R3HCC1L: variants seen among roughly 807,000 people sequenced by gnomAD.
The protein encoded by R3HCC1L is coiled-coil domain-containing protein R3HCC1L.
R3HCC1L carries 51 observed loss-of-function variants against 59.9 expected under a neutral mutation model. That is an observed-to-expected ratio of 0.85 (90% CI 0.68 to 1.07). R3HCC1L has a LOEUF of 1.07. Among genes scored for constraint, R3HCC1L ranks in the 50% least tolerant of loss-of-function variants. The pLI, the probability that R3HCC1L is intolerant of heterozygous loss-of-function variation, is 0.00. For synonymous variants in R3HCC1L, 322 were observed against 315.2 expected (o/e 1.02, Z -0.23); for missense variants, 965 against 933.0 (o/e 1.03, Z -0.45).
At chr10:98,153,803 CAAAAAAA>C (rs10708491) in intron 1 of R3HCC1L, among the ~76,000 whole-genome samples, 1 of 135,138 alleles carries the variant, frequency 7.4e-6, no homozygotes, top group Non-Finnish European at 1.6e-5. Context: ...TGTTTTACAT[CAAAAAAA>C]AAAAAAAAAG....
chr10:98,161,705 A>G (rs1847437111), intron 2 of R3HCC1L, among the ~76,000 whole-genome samples: 1 of 152,170 alleles, frequency 6.6e-6, no homozygotes, highest in Non-Finnish European at 1.5e-5. Flanking sequence ...GTTCTTTGAT[A>G]TGCTACCTTT....
intron 9 of R3HCC1L, among the ~76,000 whole-genome samples, chr10:98,243,679 T>C (rs1373798959): frequency 6.6e-6 from 1 of 152,156 alleles, no homozygotes; most frequent in Non-Finnish European, 1.5e-5. Flanking sequence ...AGCAACAAAA[T>C]AGAAGAATAT....
chr10:98,224,708 A>T (rs143796641), intron 5 of R3HCC1L, among the ~76,000 whole-genome samples: 45 of 152,354 alleles, frequency 3.0e-4, no homozygotes, highest in African/African-American at 1.1e-3. Flanking sequence ...AATCATTTGT[A>T]AACTTTCCCT....
chr10:98,221,320 T>G (rs34115149), intron 5 of R3HCC1L, among the ~76,000 whole-genome samples: 2,138 of 150,504 alleles, frequency 0.014, 19 homozygotes, highest in Non-Finnish European at 0.021. Context: ...TTTCTCCCAT[T>G]TTGTAGGTTG....
At chr10:98,146,008 A>G (rs1017037859) in intron 1 of R3HCC1L, among the ~76,000 whole-genome samples, 6 of 152,208 alleles carry the variant, frequency 3.9e-5, no homozygotes, top group African/African-American at 1.4e-4. Context: ...CCCCAAAAGA[A>G]TATGATCTTA....
intron 1 of R3HCC1L, among the ~76,000 whole-genome samples, chr10:98,153,805 A>C (rs927970321): frequency 2.1e-4 from 10 of 47,628 alleles, no homozygotes; most frequent in Non-Finnish European, 3.9e-4. Context: ...TTTTACATCA[A>C]AAAAAAAAAA....
intron 4 of R3HCC1L, among the ~76,000 whole-genome samples, chr10:98,191,354 C>T (rs537449570): frequency 2.0e-5 from 3 of 152,294 alleles, no homozygotes; most frequent in Non-Finnish European, 2.9e-5. Context: ...TTCTAACTGG[C>T]GTGAGATGGT....
intron 1 of R3HCC1L, among the ~76,000 whole-genome samples, chr10:98,152,369 C>A (rs558892524): frequency 6.6e-6 from 1 of 151,638 alleles, no homozygotes; most frequent in African/African-American, 2.4e-5. Flanking sequence ...TCTGCCCGGC[C>A]GCCACCCCGT....
chr10:98,197,207 GC>G (rs35578431), intron 4 of R3HCC1L, among the ~76,000 whole-genome samples: 61,025 of 151,450 alleles, frequency 0.4, 12,783 homozygotes, highest in South Asian at 0.57. Flanking sequence ...AAGCCACCAT[GC>G]CCCCCCCTCC....
intron 4 of R3HCC1L, among the ~76,000 whole-genome samples, chr10:98,182,592 A>T (rs542807950): frequency 6.6e-6 from 1 of 152,306 alleles, no homozygotes; most frequent in South Asian, 2.1e-4. Flanking sequence ...AGGAACGTTA[A>T]GTCTGCAGAA....
At chr10:98,140,163 T>G (rs1000456011) in intron 1 of R3HCC1L, among the ~76,000 whole-genome samples, 3 of 152,184 alleles carry the variant, frequency 2.0e-5, no homozygotes, top group Non-Finnish European at 4.4e-5. Flanking sequence ...TCAAGTTCTT[T>G]GCCATGGAAT....
In R3HCC1L at chr10:98,222,438, C is replaced by T. The variant is rs375000516; in HGVS notation, c.1786-9074C>T. On this transcript the variant is annotated intron_variant, in intron 5 of 9. Coordinates refer to ENST00000298999, the MANE Select transcript of R3HCC1L (RefSeq NM_001351015.2). Reference sequence around the variant, plus strand: ...TATGTTGAATAGGAGTGGTGAGAGACGGCATCCCTGTCTTGTGCCAGTTTT... The same window carrying T: ...TATGTTGAATAGGAGTGGTGAGAGATGGCATCCCTGTCTTGTGCCAGTTTT... 5.9e-5 allele frequency among the ~76,000 whole-genome samples: 9 copies of T among 151,738 alleles called. No individual in the cohort carries two copies. The East Asian group carries it at 7.7e-4, about 13-fold the overall frequency.
At chr10:98,159,727 G>A (rs1847214144) in intron 2 of R3HCC1L, among the ~76,000 whole-genome samples, 1 of 152,110 alleles carries the variant, frequency 6.6e-6, no homozygotes, top group Admixed American at 6.6e-5. Context: ...CAGTTCTTTT[G>A]ACATGCCCCT....
At chr10:98,139,099 A>G (rs962430737) in intron 1 of R3HCC1L, among the ~76,000 whole-genome samples, 2 of 152,206 alleles carry the variant, frequency 1.3e-5, no homozygotes, top group African/African-American at 4.8e-5. Flanking sequence ...CTAGAAACAC[A>G]CAGCAAAGCT....
At chr10:98,201,530 TC>T (rs1852045735) in intron 4 of R3HCC1L, among the ~76,000 whole-genome samples, 1 of 152,226 alleles carries the variant, frequency 6.6e-6, no homozygotes, top group Non-Finnish European at 1.5e-5. Context: ...AAAAATATTT[TC>T]CTTCCGTACC....
At chr10:98,185,244 C>T (rs796850963) in intron 4 of R3HCC1L, among the ~76,000 whole-genome samples, 62 of 152,222 alleles carry the variant, frequency 4.1e-4, no homozygotes, top group African/African-American at 1.5e-3. Context: ...AAAGTCAAGT[C>T]TGTGCTATGT....
intron 4 of R3HCC1L, among the ~76,000 whole-genome samples, chr10:98,202,308 A>G (rs931093908): frequency 6.6e-6 from 1 of 152,090 alleles, no homozygotes; most frequent in Non-Finnish European, 1.5e-5. Context: ...TTAAAGTGCT[A>G]CCCCACACAC....
chr10:98,139,891 A>G (rs1256393270), intron 1 of R3HCC1L, among the ~76,000 whole-genome samples: 1 of 150,604 alleles, frequency 6.6e-6, no homozygotes, highest in East Asian at 1.9e-4. Context: ...GGGACTAGGG[A>G]TAAAAACAGA....
At chr10:98,181,529 C>T (rs1012583228) in intron 4 of R3HCC1L, among the ~76,000 whole-genome samples, 6 of 152,042 alleles carry the variant, frequency 3.9e-5, no homozygotes, top group East Asian at 1.9e-4. Context: ...ATCTTTGTGG[C>T]GGTCTCTGTA....
Sources: allele counts gnomAD v4.1 joint callset (sites outside exome capture counted in the v4.1 genomes callset), GRCh38; gene constraint gnomAD v4.1.1; transcripts MANE v1.5; gene names NCBI Gene and HGNC (gene_info 2026-07-23, HGNC 2026-07-21).